The following RAB30 variants were observed in gnomAD, a reference collection of about 807,000 sequenced individuals.
The protein encoded by RAB30 is ras-related protein Rab-30.
In RAB30, 9 loss-of-function variants were observed where a neutral mutation model predicts 25.1. The observed-to-expected ratio is 0.36, with a 90% CI of 0.22 to 0.63. The LOEUF is 0.63. Among genes scored for constraint, RAB30 ranks in the 20% least tolerant of loss-of-function variants. The pLI, the probability that RAB30 is intolerant of heterozygous loss-of-function variation, is 0.69. For missense variants in RAB30, 140 were observed against 243.5 expected (o/e 0.58, Z 2.83); for synonymous variants, 77 against 86.4 (o/e 0.89, Z 0.60).
chr11:82,977,068 A>T lies in RAB30; in HGVS notation c.*5097T>A, dbSNP rs1009786478. 6.6e-5 allele frequency: 10 copies of T among 152,200 alleles called. No homozygotes were observed. The highest frequency in any genetic ancestry group is 2.4e-4 in the African/African-American group (10 of 41,458). The allele number at this position is 152,200 out of a possible 1,614,324, so 9.4% of individuals were successfully genotyped here. ...CTGTTTGTGAGAACTTTAACAGAAG[A>T]TTCTGCTCTGTTAAAAAGGCCTATC... On this transcript the variant is annotated 3_prime_UTR_variant, in exon 5 of 5. Transcript: ENST00000527633.
In RAB30 at chr11:82,974,446, G is replaced by C. The variant is rs986139415; in HGVS notation, c.*7719C>G. ...TAACAGGCTTTTTGTTAAGTAAAAA[G>C]ATCAATATATGAACACATAAAATAT... is the stretch of plus-strand genomic sequence containing the variant. On this transcript the variant is annotated 3_prime_UTR_variant, in exon 5 of 5. Transcript: ENST00000527633. The C allele has an allele frequency of 3.9e-5, 6 of 151,954 alleles. No individual in the cohort carries two copies. The highest frequency in any genetic ancestry group is 1.4e-4 in the African/African-American group (6 of 41,382). 9.4% of individuals were successfully genotyped at this position (151,954 alleles called of 1,614,324 possible).
At chr11:83,058,844 G>A (rs1189076808) in intron 1 of RAB30, among the ~76,000 whole-genome samples, 1 of 152,236 alleles carries the variant, frequency 6.6e-6, no homozygotes, top group Admixed American at 6.5e-5. Flanking sequence ...GCATGAAAAT[G>A]CCATAACACA....
chr11:82,985,146 G>A (rs1054926498), intron 4 of RAB30, among the ~76,000 whole-genome samples: 2 of 152,006 alleles, frequency 1.3e-5, no homozygotes, highest in African/African-American at 4.8e-5. Flanking sequence ...GTATATTTTA[G>A]TAGAGATGGG....
intron 1 of RAB30, among the ~76,000 whole-genome samples, chr11:83,022,975 GTA>G (rs10661823): frequency 1.3e-5 from 2 of 150,310 alleles, no homozygotes; most frequent in Admixed American, 1.3e-4. Context: ...GTATGTATGT[GTA>G]TATATATATA....
At chr11:83,003,783 T>TA (rs879774896) in intron 1 of RAB30, among the ~76,000 whole-genome samples, 2,021 of 149,326 alleles carry the variant, frequency 0.014, 14 homozygotes, top group Non-Finnish European at 0.02. Context: ...TTTGTTAATT[T>TA]AAAAAAAAAA....
At chr11:83,033,057 T>G (rs1857909853) in intron 1 of RAB30, among the ~76,000 whole-genome samples, 1 of 108,818 alleles carries the variant, frequency 9.2e-6, no homozygotes, top group Non-Finnish European at 1.8e-5. Context: ...CTCAAATTCT[T>G]TTTTTTTTTT....
intron 3 of RAB30, among the ~76,000 whole-genome samples, chr11:82,991,506 CAAA>C (rs35298951): frequency 1.5e-5 from 1 of 65,872 alleles, no homozygotes; most frequent in Admixed American, 1.9e-4. Context: ...GACCCTTTCT[CAAA>C]AAAAAAAAAA....
intron 1 of RAB30, among the ~76,000 whole-genome samples, chr11:83,023,330 C>G (rs886481240): frequency 6.6e-6 from 1 of 152,194 alleles, no homozygotes; most frequent in African/African-American, 2.4e-5. Flanking sequence ...CATAAACCTA[C>G]ATTTCACATA....
At chr11:83,067,789 C>T (rs1330366303) in intron 1 of RAB30, among the ~76,000 whole-genome samples, 7 of 151,914 alleles carry the variant, frequency 4.6e-5, no homozygotes, top group South Asian at 2.1e-4. Flanking sequence ...GTCAGGAGTT[C>T]GAGACCAGCC....
Position 82,987,668 on chromosome 11 carries a change from C to T in RAB30, c.280G>A (p.Glu94Lys). 1 of 1,613,844 alleles carries T rather than the reference C, an allele frequency of 6.2e-7. No homozygotes were observed. The change falls in exon 4 of 5, where the codon GAG becomes AAG. Residue 94 changes from glutamate (E) to lysine (K), a missense_variant. Coordinates refer to ENST00000527633, the MANE Select transcript of RAB30 (RefSeq NM_001286060.2). ...ALILTYDITC[E>K]ESFRCLPEWL... ...TCAGGAAGGCAACGGAAGGATTCCTCACAGGTAATGTCATAGGTGAGGATC... is the reference window on the plus strand; with the variant it reads ...TCAGGAAGGCAACGGAAGGATTCCTTACAGGTAATGTCATAGGTGAGGATC...
chr11:82,988,058 T>C (rs553983458), intron 3 of RAB30, among the ~76,000 whole-genome samples: 3 of 152,090 alleles, frequency 2.0e-5, no homozygotes, highest in African/African-American at 7.2e-5. Flanking sequence ...AAAATACATA[T>C]AGGAAATTCG....
chr11:83,045,103 G>A (rs1188567934), intron 1 of RAB30, among the ~76,000 whole-genome samples: 4 of 152,230 alleles, frequency 2.6e-5, no homozygotes, highest in Admixed American at 2.0e-4. Context: ...GCCGTCAGCA[G>A]ACCTAGACAT....
At chr11:83,037,549 C>T (rs551312473) in intron 1 of RAB30, among the ~76,000 whole-genome samples, 1 of 152,046 alleles carries the variant, frequency 6.6e-6, no homozygotes. Context: ...TGGACCCAGC[C>T]GAATGAATTT....
chr11:83,053,056 G>C (rs1858388638), intron 1 of RAB30, among the ~76,000 whole-genome samples: 1 of 152,162 alleles, frequency 6.6e-6, no homozygotes, highest in African/African-American at 2.4e-5. Context: ...AAGTTGAAGA[G>C]CTGGCCTCCC....
intron 1 of RAB30, among the ~76,000 whole-genome samples, chr11:83,014,273 C>T (rs1857366844): frequency 6.6e-6 from 1 of 152,164 alleles, no homozygotes; most frequent in Non-Finnish European, 1.5e-5. Flanking sequence ...CCAGACCAGG[C>T]TTGGTGGTTC....
chr11:83,036,930 T>C (rs539127131), intron 1 of RAB30, among the ~76,000 whole-genome samples: 11 of 152,306 alleles, frequency 7.2e-5, no homozygotes, highest in East Asian at 1.9e-4. Flanking sequence ...CAGGGCCTCG[T>C]TGACCATGGA....
chr11:83,052,196 A>G (rs1282677028), intron 1 of RAB30, among the ~76,000 whole-genome samples: 1 of 152,202 alleles, frequency 6.6e-6, no homozygotes, highest in African/African-American at 2.4e-5. Context: ...AACACGCTAC[A>G]GGCTTGTTAT....
chr11:82,980,625 T>C lies in RAB30; in HGVS notation c.*1540A>G, dbSNP rs1175903729. ...GAAACATCTGACAGCATCAACAGCA[T>C]ACAGGTTTAATTATTTTCCCAATTT... On this transcript the variant is annotated 3_prime_UTR_variant, in exon 5 of 5. Coordinates refer to ENST00000527633, the MANE Select transcript of RAB30 (RefSeq NM_001286060.2). 6.6e-6 allele frequency: 1 copy of C among 152,248 alleles called. No homozygotes were observed. The highest frequency in any genetic ancestry group is 3.1e-3 in the Middle Eastern group (1 of 318). The allele number at this position is 152,248 out of a possible 1,614,324, so 9.4% of individuals were successfully genotyped here.
At position 83,071,317 on chromosome 11, in the gene RAB30, C is replaced by G. The variant is rs117319743; in HGVS notation, c.-9+374G>C. 8.3e-3 allele frequency: 1,261 copies of G among 152,368 alleles called. 7 individuals are homozygous for G. Among genetic ancestry groups the G allele is most frequent in the Admixed American group, 0.01 (155 of 15,292 alleles). The allele number at this position is 152,368 out of a possible 1,614,324, so 9.4% of individuals were successfully genotyped here. A position where few individuals can be genotyped will look rare whatever the true frequency, so the allele number is the denominator to read the frequency against. On this transcript the variant is annotated intron_variant, in intron 1 of 4. Transcript: ENST00000527633. ...TCTCCATTTCTCCCCACGCATCACC[C>G]CTTCCCACTCAAACCTCAGCTCTCG...
Sources: gnomAD v4.1 joint callset for allele counts (sites outside exome capture counted in the v4.1 genomes callset) on GRCh38, gnomAD v4.1.1 for gene constraint, MANE v1.5 for transcripts, NCBI Gene and HGNC (gene_info 2026-07-23, HGNC 2026-07-21) for gene names.